NXF1: variants seen among roughly 807,000 people sequenced by gnomAD.
NXF1 encodes nuclear RNA export factor 1, also known as mRNA export factor TAP.
A neutral mutation model predicts 92.4 loss-of-function variants in NXF1; 43 were observed. The observed-to-expected ratio is 0.47, with a 90% CI of 0.36 to 0.60. The LOEUF (loss-of-function observed/expected upper bound fraction) is 0.60. NXF1 is among the 20% of genes least tolerant of loss of function. The pLI, the probability that NXF1 is intolerant of heterozygous loss-of-function variation, is 0.00. For synonymous variants in NXF1, 288 were observed against 292.2 expected (o/e 0.99, Z 0.15); for missense variants, 576 against 793.0 (o/e 0.73, Z 3.29).
Position 62,801,304 on chromosome 11 carries a change from C to T in NXF1, c.798+25G>A, listed in dbSNP as rs779477225. ...ATCTAACACACCCTGCTTCCTCATG[C>T]CTAATACTGGGCCAAAGGCCTTACC... On this transcript the variant is annotated intron_variant, in intron 8 of 20. Transcript: ENST00000294172. 65 of 1,612,326 alleles carry T rather than the reference C, an allele frequency of 4.0e-5. No individual in the cohort carries two copies. In the South Asian group the frequency reaches 7.0e-4, roughly 17 times the overall value.
chr11:62,794,807 T>A, intron 18 of NXF1, 128 bp downstream of exon 18: 7 of 832,296 alleles, frequency 8.4e-6, no homozygotes, highest in Non-Finnish European at 1.2e-5. Flanking sequence ...TCTTAACTAC[T>A]ATGTGAGCTT....
chr11:62,796,392 A>T (rs1356394989), intron 14 of NXF1, 47 bp from the exon 15 acceptor site: 1 of 1,613,246 alleles, frequency 6.2e-7, no homozygotes, highest in Non-Finnish European at 8.5e-7. Context: ...CAGTGCTGCC[A>T]GCAGGTGTGC....
rs1157730942 is a variant in NXF1 at position 62,803,935 on chromosome 11, T to C, written c.72A>G (p.Lys24=). ...ERVNFPQRKK[K]GRGPFRWKYG... Reference sequence around the variant, plus strand: ...ATTTCCACCGGAAGGGACCCCGGCCTTTCTTCTTTCTTTGAGGGAAATTAA... The same window carrying C: ...ATTTCCACCGGAAGGGACCCCGGCCCTTCTTCTTTCTTTGAGGGAAATTAA... The change falls in exon 2 of 21, where the codon AAA becomes AAG. Residue 24 remains lysine (K), a synonymous_variant. Transcript: ENST00000294172. 1 of 1,613,954 alleles carries C rather than the reference T, an allele frequency of 6.2e-7. No individual in the cohort carries two copies. Among genetic ancestry groups the C allele is most frequent in the African/African-American group, 1.3e-5 (1 of 74,918 alleles).
chr11:62,800,851 C>T (rs2084470967), intron 9 of NXF1, among the ~76,000 whole-genome samples: 1 of 152,172 alleles, frequency 6.6e-6, no homozygotes, highest in Non-Finnish European at 1.5e-5. Flanking sequence ...CTCACTGCAG[C>T]CTTGAACTCC....
At chr11:62,805,240 G>A (rs2084523537) in intron 1 of NXF1, 89 bp downstream of exon 1, 3 of 1,321,194 alleles carry the variant, frequency 2.3e-6, no homozygotes, top group Admixed American at 3.2e-5. Context: ...GGCCCCTAGC[G>A]GCCTCACGCC....
Position 62,794,984 on chromosome 11 carries a change from A to G in NXF1, c.1528T>C (p.Leu510=), listed in dbSNP as rs2084405603. Residue 510 remains leucine (L), a synonymous_variant, in exon 18 of 21, where the codon TTG becomes CTG. Coordinates refer to ENST00000294172, the MANE Select transcript of NXF1 (RefSeq NM_006362.5). ...KEVDGKSRDS[L]RAFTRTFIAV... ...ATGAATGTCCGGGTGAAGGCTCGCAAAGAATCCCGGGACTTTCCGTCCACT... is the reference window on the plus strand; with the variant it reads ...ATGAATGTCCGGGTGAAGGCTCGCAGAGAATCCCGGGACTTTCCGTCCACT... The G allele has an allele frequency of 3.1e-6, 5 of 1,614,240 alleles. No homozygotes were observed. The highest frequency in any genetic ancestry group is 4.2e-6 in the Non-Finnish European group (5 of 1,180,032).
At position 62,803,855 on chromosome 11, in the gene NXF1, C is replaced by A. The variant is rs766820705; in HGVS notation, c.152G>T (p.Arg51Leu). The change falls in exon 2 of 21, where the codon CGC (arginine) becomes CTC (leucine). Residue 51 changes from arginine to leucine, a missense_variant. By Grantham distance (102) the Arg-to-Leu change is moderately radical. Transcript: ENST00000294172. ...CACATCTCCATCATCTTCCTCAAGGCGGGAAGACCGAATACCAGAACCGCC... is the reference window on the plus strand; with the variant it reads ...CACATCTCCATCATCTTCCTCAAGGAGGGAAGACCGAATACCAGAACCGCC... Reference protein sequence around the residue: ...GRGGSGIRSSRLEEDDGDVAM... With the variant: ...GRGGSGIRSSLLEEDDGDVAM... The A allele has an allele frequency of 6.2e-7, 1 of 1,614,064 alleles. No homozygotes were observed.
intron 10 of NXF1, 83 bp from the exon 11 acceptor site, chr11:62,798,658 C>A: frequency 6.3e-7 from 1 of 1,595,012 alleles, no homozygotes. Context: ...ATACCAAACC[C>A]GAGGGACAGC....
intron 10 of NXF1, chr11:62,799,906 C>T (rs1313535469): frequency 1.0e-6 from 1 of 987,748 alleles, no homozygotes; most frequent in Non-Finnish European, 1.2e-6. Flanking sequence ...AAGGGTCCCT[C>T]TTGGCGCAAG....
chr11:62,797,816 A>C (rs913381371), intron 11 of NXF1, among the ~76,000 whole-genome samples: 4 of 151,876 alleles, frequency 2.6e-5, no homozygotes, highest in African/African-American at 9.7e-5. Flanking sequence ...GTCAAGTGTA[A>C]ACGCATCATG....
At chr11:62,794,520 C>T in intron 18 of NXF1, 80 bp from the exon 19 acceptor site, 1 of 1,284,874 alleles carries the variant, frequency 7.8e-7, no homozygotes, top group East Asian at 2.3e-5. Flanking sequence ...CTGATTCTTT[C>T]AATATCCACA....
intron 6 of NXF1, 52 bp downstream of exon 6, chr11:62,801,687 T>C (rs1310219846): frequency 1.3e-6 from 2 of 1,581,730 alleles, no homozygotes; most frequent in Non-Finnish European, 1.7e-6. Flanking sequence ...GGGGTGGGGG[T>C]GTGAGAAGTA....
intron 20 of NXF1, 48 bp downstream of exon 20, chr11:62,792,593 G>C (rs2084376489): frequency 6.2e-7 from 1 of 1,613,728 alleles, no homozygotes. Flanking sequence ...TGACCTCCTG[G>C]AGGCCCAGAG....
At chr11:62,796,261 A>G (rs919971354) in intron 15 of NXF1, 26 bp downstream of exon 15, 5 of 1,613,698 alleles carry the variant, frequency 3.1e-6, no homozygotes, top group Non-Finnish European at 4.2e-6. Context: ...CCCTTTTCCC[A>G]TATTTTGTTC....
At chr11:62,801,004 T>C (rs995110738) in intron 9 of NXF1, 90 bp downstream of exon 9, 4 of 956,484 alleles carry the variant, frequency 4.2e-6, no homozygotes, top group East Asian at 4.9e-5. Context: ...CTGGCCTGAG[T>C]TCTCTCTCTT....
At chr11:62,795,848 T>G in intron 17 of NXF1, 53 bp downstream of exon 17, 1 of 1,546,578 alleles carries the variant, frequency 6.5e-7, no homozygotes, top group Non-Finnish European at 8.9e-7. Flanking sequence ...CTGAGGAAAA[T>G]TCCAGCTGGG....
At chr11:62,804,273 C>A in intron 1 of NXF1, 2 of 1,325,682 alleles carry the variant, frequency 1.5e-6, no homozygotes, top group Admixed American at 2.4e-5. Flanking sequence ...GAACACAAAT[C>A]AGACCTCTGA....
rs763160052 is a variant in NXF1, at chr11:62,801,729, C to T, written c.639+10G>A. On this transcript the variant is annotated intron_variant, in intron 6 of 20. Transcript: ENST00000294172. ...CTGGGTTGGAAACATCTAATTTGAG[C>T]CTGCCTCACCTTTAGCTGTTCTACT... 1.9e-5 allele frequency: 31 copies of T among 1,612,834 alleles called. No individual in the cohort carries two copies. The highest frequency in any genetic ancestry group is 7.7e-5 in the South Asian group (7 of 91,056).
chr11:62,800,289 T>C (rs1014313628), intron 10 of NXF1, 88 bp downstream of exon 10: 1 of 1,590,698 alleles, frequency 6.3e-7, no homozygotes, highest in Non-Finnish European at 8.6e-7. Flanking sequence ...GCTGCACATC[T>C]CCGCAGACGG....
Sources: gnomAD v4.1 joint callset for allele counts (sites outside exome capture counted in the v4.1 genomes callset) on GRCh38, gnomAD v4.1.1 for gene constraint, MANE v1.5 for transcripts, NCBI Gene and HGNC (gene_info 2026-07-23, HGNC 2026-07-21) for gene names.